The following PCNX1 variants were observed in gnomAD, a reference collection of about 807,000 sequenced individuals.
PCNX1 encodes the protein pecanex 1.
Under a neutral mutation model 242.2 loss-of-function variants are expected in PCNX1, and 78 were observed. The ratio of observed to expected loss-of-function variants is 0.32; its 90% CI spans 0.27 to 0.39. The LOEUF (loss-of-function observed/expected upper bound fraction) is 0.39, where lower values mean the gene tolerates loss of function less well. Among genes scored for constraint, PCNX1 ranks in the 10% least tolerant of loss-of-function variants. The probability of loss-of-function intolerance (pLI) is 1.00; values close to 1 mark genes in which losing one functional copy is unlikely to be tolerated. For missense variants in PCNX1, 2,581 were observed against 2,856.5 expected, an observed-to-expected ratio of 0.90 and a Z score of 2.20; for synonymous variants, 1,024 against 1,032.9, an observed-to-expected ratio of 0.99 and a Z score of 0.17.
At position 70,916,291 on chromosome 14, in the gene PCNX1, G is replaced by A. The variant is rs140079270; in HGVS notation, c.153+8288G>A. 7.7e-3 allele frequency among the ~76,000 whole-genome samples: 1,167 copies of A among 152,286 alleles called. 5 individuals are homozygous for A. The highest frequency in any genetic ancestry group is 0.012 in the Admixed American group (186 of 15,292). On this transcript the variant is annotated intron_variant, in intron 1 of 35. Transcript: ENST00000304743. ...GGTAAAATTTACTTGCAAGTTATCA[G>A]CATGTAGATCTTCTGGGAAGAAAGT...
At chr14:71,017,165 A>G (rs1045613224) in intron 11 of PCNX1, among the ~76,000 whole-genome samples, 5 of 152,228 alleles carry the variant, frequency 3.3e-5, no homozygotes, top group African/African-American at 1.2e-4. Context: ...TAAATTATGA[A>G]ATTTCATTCT....
At chr14:70,910,057 CT>C (rs2055772916) in intron 1 of PCNX1, among the ~76,000 whole-genome samples, 11 of 99,496 alleles carry the variant, frequency 1.1e-4, no homozygotes, top group East Asian at 3.1e-4. Flanking sequence ...CCTCCTCCTC[CT>C]CCTCCCCCTC....
At chr14:70,946,881 T>A (rs2057478233) in intron 1 of PCNX1, 34 bp from the exon 2 acceptor site, 2 of 1,343,184 alleles carry the variant, frequency 1.5e-6, no homozygotes, top group East Asian at 2.4e-5. Context: ...TAAAATATTT[T>A]AAAATGTATT....
At chr14:71,054,817 G>T (rs992382620) in intron 24 of PCNX1, among the ~76,000 whole-genome samples, 1 of 152,138 alleles carries the variant, frequency 6.6e-6, no homozygotes, top group Non-Finnish European at 1.5e-5. Context: ...ATTTATTAAG[G>T]TTAATACTTT....
At chr14:70,917,230 A>T (rs752614640) in intron 1 of PCNX1, among the ~76,000 whole-genome samples, 1 of 152,156 alleles carries the variant, frequency 6.6e-6, no homozygotes, top group Non-Finnish European at 1.5e-5. Flanking sequence ...CACCTTGTCA[A>T]TGTTAATATT....
intron 22 of PCNX1, 27 bp from the exon 23 acceptor site, chr14:71,050,623 TAC>T: frequency 3.2e-6 from 5 of 1,538,802 alleles, no homozygotes; most frequent in African/African-American, 1.4e-5. Context: ...TTTTTTTTTT[TAC>T]TGACAGCCAT....
intron 1 of PCNX1, among the ~76,000 whole-genome samples, chr14:70,910,048 CT>C (rs1566808248): frequency 1.8e-3 from 176 of 98,604 alleles, no homozygotes; most frequent in African/African-American, 6.4e-3. Flanking sequence ...CCTCCTCCTC[CT>C]CCTCCTCCTC....
intron 30 of PCNX1, among the ~76,000 whole-genome samples, chr14:71,097,840 A>G (rs2062335652): frequency 6.6e-6 from 1 of 152,200 alleles, no homozygotes; most frequent in Admixed American, 6.5e-5. Context: ...GGACTTAGTC[A>G]TAAATTATTT....
intron 8 of PCNX1, among the ~76,000 whole-genome samples, chr14:70,999,075 G>T (rs890422843): frequency 1.3e-5 from 2 of 152,162 alleles, no homozygotes; most frequent in Non-Finnish European, 2.9e-5. Context: ...AACAAGCTGT[G>T]ACTTAGTAAT....
chr14:70,939,847 CTCT>C (rs1406785021), intron 1 of PCNX1, among the ~76,000 whole-genome samples: 1 of 152,176 alleles, frequency 6.6e-6, no homozygotes, highest in African/African-American at 2.4e-5. Flanking sequence ...GGATAGTTAG[CTCT>C]TCTTGTTGAA....
chr14:70,962,406 A>C (rs2058248500), intron 3 of PCNX1, 75 bp downstream of exon 3: 1 of 766,828 alleles, frequency 1.3e-6, no homozygotes, highest in Middle Eastern at 2.3e-4. Flanking sequence ...CGTGTCTTTA[A>C]GTCGGCTGAT....
intron 29 of PCNX1, 138 bp downstream of exon 29, chr14:71,088,568 A>G: frequency 1.9e-6 from 1 of 522,078 alleles, no homozygotes; most frequent in Non-Finnish European, 3.5e-6. Flanking sequence ...TCTATACATC[A>G]TCTTCTTGAA....
chr14:70,927,889 G>A (rs2056650970), intron 1 of PCNX1, among the ~76,000 whole-genome samples: 1 of 151,986 alleles, frequency 6.6e-6, no homozygotes, highest in Admixed American at 6.6e-5. Context: ...CGCCAGGCCT[G>A]ATTTTCATTC....
intron 25 of PCNX1, 38 bp downstream of exon 25, chr14:71,055,600 G>T: frequency 7.7e-7 from 1 of 1,301,364 alleles, no homozygotes; most frequent in Non-Finnish European, 1.1e-6. Context: ...GCAAGACTAA[G>T]GATTTGTTTT....
chr14:70,967,741 T>G (rs946102365), intron 3 of PCNX1, among the ~76,000 whole-genome samples: 3 of 152,240 alleles, frequency 2.0e-5, no homozygotes, highest in Admixed American at 2.0e-4. Context: ...ATTCGATGGT[T>G]AGACTTATGC....
At chr14:71,102,341 A>C (rs544273633) in intron 31 of PCNX1, 121 bp downstream of exon 31, 38 of 651,498 alleles carry the variant, frequency 5.8e-5, no homozygotes, top group Non-Finnish European at 9.7e-5. Context: ...TGGCATGATC[A>C]TGGGCTTACT....
At chr14:71,083,188 C>G (rs2061898895) in intron 28 of PCNX1, among the ~76,000 whole-genome samples, 1 of 152,226 alleles carries the variant, frequency 6.6e-6, no homozygotes, top group African/African-American at 2.4e-5. Flanking sequence ...CCCTCACTCT[C>G]TTCTGGCTTG....
At chr14:70,927,421 AT>A (rs2056631795) in intron 1 of PCNX1, among the ~76,000 whole-genome samples, 1 of 152,152 alleles carries the variant, frequency 6.6e-6, no homozygotes, top group African/African-American at 2.4e-5. Context: ...GTAGAAATGG[AT>A]TATACAGCAT....
chr14:70,935,257 A>C (rs1200808129), intron 1 of PCNX1, among the ~76,000 whole-genome samples: 3 of 152,180 alleles, frequency 2.0e-5, no homozygotes, highest in Non-Finnish European at 4.4e-5. Context: ...CTTAAAAAAG[A>C]AATTCTGAGC....
Sources: allele counts gnomAD v4.1 joint callset (sites outside exome capture counted in the v4.1 genomes callset), GRCh38; gene constraint gnomAD v4.1.1; transcripts MANE v1.5; gene names NCBI Gene and HGNC (gene_info 2026-07-23, HGNC 2026-07-21).